Variants in XKR6 observed in about 807,000 individuals in gnomAD.
XKR6 encodes XK-related protein 6.
In XKR6, 22 loss-of-function variants were observed where a neutral mutation model predicts 56.7. The observed-to-expected ratio is 0.39, with a 90% CI of 0.28 to 0.55. The LOEUF (loss-of-function observed/expected upper bound fraction) is 0.55. XKR6 is among the 20% of genes least tolerant of loss of function. The pLI is 0.66. For missense variants in XKR6, 852 were observed against 889.0 expected (o/e 0.96, Z 0.53); for synonymous variants, 524 against 387.8 (o/e 1.35, Z -4.13).
intron 1 of XKR6, among the ~76,000 whole-genome samples, chr8:11,158,914 T>C (rs1801657163): frequency 6.6e-6 from 1 of 152,118 alleles, no homozygotes; most frequent in Non-Finnish European, 1.5e-5. Flanking sequence ...AAAATGAACC[T>C]CTCAGTCTTA....
chr8:11,029,049 C>T lies in XKR6; in HGVS notation c.765-104219G>A, dbSNP rs544846113. On this transcript the variant is annotated intron_variant, in intron 1 of 2. Transcript: ENST00000416569. Reference sequence around the variant, plus strand: ...CCCCCACCCTGTGCCTGGTGCCTCACCTGTTAGGACACCAGTGATGCTGGC... The same window carrying T: ...CCCCCACCCTGTGCCTGGTGCCTCATCTGTTAGGACACCAGTGATGCTGGC... Among the ~76,000 whole-genome samples the T allele has an allele frequency of 3.9e-5, 6 of 152,290 alleles. No homozygotes were observed. The East Asian group carries it at 1.2e-3, about 29-fold the overall frequency.
At position 10,951,970 on chromosome 8, in the gene XKR6, A is replaced by G. The variant is rs550976033; in HGVS notation, c.765-27140T>C. On this transcript the variant is annotated intron_variant, in intron 1 of 2. Coordinates refer to ENST00000416569, the MANE Select transcript of XKR6 (RefSeq NM_173683.4). ...CACAGCCAGCCCCCTGCCCTCCTCT[A>G]GCTGGCTGAGAAAAAGCCAGGATCA... 1.1e-4 allele frequency among the ~76,000 whole-genome samples: 16 copies of G among 152,244 alleles called. No homozygotes were observed. The South Asian group carries it at 3.3e-3, about 32-fold the overall frequency.
intron 1 of XKR6, among the ~76,000 whole-genome samples, chr8:11,038,225 G>C (rs1799195273): frequency 6.6e-6 from 1 of 152,112 alleles, no homozygotes; most frequent in African/African-American, 2.4e-5. Flanking sequence ...TATCTAACTT[G>C]TTTAGCGGTG....
intron 1 of XKR6, among the ~76,000 whole-genome samples, chr8:10,975,388 C>T (rs977218543): frequency 2.6e-5 from 4 of 152,226 alleles, no homozygotes; most frequent in Admixed American, 2.0e-4. Context: ...CCCAGCGCGC[C>T]TAAAGGCAGG....
chr8:10,900,670 G>T lies in XKR6; in HGVS notation c.962-1754C>A, dbSNP rs79985610. Among the ~76,000 whole-genome samples, 1,519 of 152,250 alleles carry T rather than the reference G, an allele frequency of 1.0e-2. 32 individuals carry two copies. The highest frequency in any genetic ancestry group is 0.035 in the African/African-American group (1,436 of 41,524). On this transcript the variant is annotated intron_variant, in intron 2 of 2. Transcript: ENST00000416569. ...TTCTTTTCTAGAAAGTTCTGAACAT[G>T]ACACATGTCCTGCCTCACTTGTGGT...
chr8:11,066,090 G>A (rs952237478), intron 1 of XKR6, among the ~76,000 whole-genome samples: 3 of 152,154 alleles, frequency 2.0e-5, no homozygotes, highest in African/African-American at 4.8e-5. Context: ...GGCGTTTTCC[G>A]TTGCTTCAGT....
chr8:11,178,572 ATG>A (rs1802794333), intron 1 of XKR6, among the ~76,000 whole-genome samples: 17 of 140,800 alleles, frequency 1.2e-4, no homozygotes, highest in African/African-American at 3.9e-4. Flanking sequence ...ATATATATAT[ATG>A]TATATATATA....
chr8:11,009,502 C>G (rs28446808), intron 1 of XKR6, among the ~76,000 whole-genome samples: 3,677 of 152,112 alleles, frequency 0.024, 161 homozygotes, highest in African/African-American at 0.083. Context: ...AGAGTGAGAT[C>G]CTGTCTCAAA....
At chr8:11,093,941 G>T (rs1018204869) in intron 1 of XKR6, among the ~76,000 whole-genome samples, 4 of 151,784 alleles carry the variant, frequency 2.6e-5, no homozygotes, top group African/African-American at 7.3e-5. Flanking sequence ...CCGCCACCAC[G>T]CCAGACTAAT....
At chr8:11,015,723 G>C (rs997661486) in intron 1 of XKR6, among the ~76,000 whole-genome samples, 1 of 152,198 alleles carries the variant, frequency 6.6e-6, no homozygotes, top group Non-Finnish European at 1.5e-5. Context: ...GAGAAAGCCG[G>C]GGGCGGGCTC....
chr8:11,172,819 A>G (rs1802446305), intron 1 of XKR6, among the ~76,000 whole-genome samples: 1 of 152,182 alleles, frequency 6.6e-6, no homozygotes. Context: ...CCAAAGAAAA[A>G]CACCAAGAAT....
At chr8:11,104,340 A>T (rs1001591728) in intron 1 of XKR6, among the ~76,000 whole-genome samples, 1 of 152,230 alleles carries the variant, frequency 6.6e-6, no homozygotes, top group Non-Finnish European at 1.5e-5. Context: ...TAAATAGGCC[A>T]AGGAAGAAAT....
chr8:10,955,484 C>G (rs919014350), intron 1 of XKR6, among the ~76,000 whole-genome samples: 4 of 152,188 alleles, frequency 2.6e-5, no homozygotes, highest in Admixed American at 6.5e-5. Context: ...TCCAGCCTCT[C>G]TGCCTTTTCA....
intron 1 of XKR6, among the ~76,000 whole-genome samples, chr8:11,077,012 C>CA (rs1447306487): frequency 6.6e-6 from 1 of 151,860 alleles, no homozygotes; most frequent in Non-Finnish European, 1.5e-5. Flanking sequence ...CCCATCTCTA[C>CA]AAAAAAATTA....
chr8:11,013,849 T>C (rs1388650653), intron 1 of XKR6, among the ~76,000 whole-genome samples: 1 of 152,190 alleles, frequency 6.6e-6, no homozygotes, highest in Admixed American at 6.5e-5. Flanking sequence ...ACCTCTTGAG[T>C]CATCCTGACC....
At chr8:10,925,820 G>A (rs553938311) in intron 1 of XKR6, among the ~76,000 whole-genome samples, 2 of 152,184 alleles carry the variant, frequency 1.3e-5, no homozygotes, top group Non-Finnish European at 2.9e-5. Flanking sequence ...CAATTTCACC[G>A]GAACTCTCTG....
rs1249351023 is a variant in XKR6, at chr8:11,093,391, CA to C, written c.764+107184del. 6.1e-3 allele frequency among the ~76,000 whole-genome samples: 934 copies of C among 152,256 alleles called. 7 individuals are homozygous for C. Among genetic ancestry groups the C allele is most frequent in the African/African-American group, 0.021 (883 of 41,564 alleles). ...TTCTAGCCCAGCTTTTATCTCAAGT[CA>C]AAGCCTCACCCACTGCCCTTAGCAC... On this transcript the variant is annotated intron_variant, in intron 1 of 2. Transcript: ENST00000416569.
intron 2 of XKR6, among the ~76,000 whole-genome samples, chr8:10,918,229 T>G (rs1800615154): frequency 6.6e-6 from 1 of 152,210 alleles, no homozygotes; most frequent in African/African-American, 2.4e-5. Flanking sequence ...CCCATCCCCT[T>G]GCCTCCTGGC....
chr8:11,010,085 G>A (rs1366283166), intron 1 of XKR6, among the ~76,000 whole-genome samples: 3 of 152,192 alleles, frequency 2.0e-5, no homozygotes, highest in African/African-American at 7.2e-5. Context: ...AGGCTGAGGA[G>A]CCCTCAGGAA....
Sources: gnomAD v4.1 joint callset for allele counts (sites outside exome capture counted in the v4.1 genomes callset) on GRCh38, gnomAD v4.1.1 for gene constraint, MANE v1.5 for transcripts, NCBI Gene and HGNC (gene_info 2026-07-23, HGNC 2026-07-21) for gene names.